The following ASIC2 variants were observed in gnomAD, a reference collection of about 807,000 sequenced individuals.
ASIC2 encodes acid sensing ion channel subunit 2.
A neutral mutation model predicts 57.3 loss-of-function variants in ASIC2; 25 were observed. The ratio of observed to expected loss-of-function variants is 0.44; its 90% CI spans 0.32 to 0.61. The LOEUF (loss-of-function observed/expected upper bound fraction) is 0.61, where lower values mean the gene tolerates loss of function less well. Among genes scored for constraint, ASIC2 ranks in the 20% least tolerant of loss-of-function variants. The pLI, the probability that ASIC2 is intolerant of heterozygous loss-of-function variation, is 0.06. For synonymous variants in ASIC2, 319 were observed against 307.5 expected (o/e 1.04, Z -0.39); for missense variants, 641 against 738.1 (o/e 0.87, Z 1.52).
Position 34,031,601 on chromosome 17 carries a change from T to C in ASIC2, c.555+124377A>G, listed in dbSNP as rs535259023. On this transcript the variant is annotated intron_variant, in intron 1 of 9. Coordinates refer to the ASIC2 transcript ENST00000359872. ...GAAATTCGAACCAATGGCAAAGAAG[T>C]TAAAAGCTTTGAAAAAAAATTAGAC... Among the ~76,000 whole-genome samples the C allele has an allele frequency of 2.6e-5, 4 of 152,020 alleles. No homozygotes were observed. In the East Asian group the frequency reaches 7.8e-4, roughly 29 times the overall value.
intron 1 of ASIC2, among the ~76,000 whole-genome samples, chr17:33,388,586 T>C (rs927908195): frequency 3.3e-5 from 5 of 152,222 alleles, no homozygotes; most frequent in Non-Finnish European, 7.3e-5. Context: ...CAGACTTTTA[T>C]CAGCAGTGAT....
chr17:33,953,844 GA>G (rs1207711646), intron 1 of ASIC2, among the ~76,000 whole-genome samples: 1 of 152,168 alleles, frequency 6.6e-6, no homozygotes, highest in African/African-American at 2.4e-5. Flanking sequence ...AGTATATTAA[GA>G]GGAAGGATCA....
chr17:33,563,274 C>T (rs1321604998), intron 1 of ASIC2, among the ~76,000 whole-genome samples: 3 of 152,314 alleles, frequency 2.0e-5, no homozygotes, highest in South Asian at 2.1e-4. Flanking sequence ...AGACACTTTA[C>T]ATGTCTGCTA....
chr17:33,458,538 T>C (rs1318578048), intron 1 of ASIC2, among the ~76,000 whole-genome samples: 2 of 152,342 alleles, frequency 1.3e-5, no homozygotes, highest in East Asian at 3.9e-4. Context: ...TTTCTGACTG[T>C]ATGATTTTGG....
At chr17:33,016,260 A>G (rs2091805241) in intron 8 of ASIC2, among the ~76,000 whole-genome samples, 1 of 152,160 alleles carries the variant, frequency 6.6e-6, no homozygotes, top group Non-Finnish European at 1.5e-5. Context: ...AGCTAGGAAT[A>G]GGTAATGGAA....
chr17:33,567,103 T>A (rs1423118292), intron 1 of ASIC2, among the ~76,000 whole-genome samples: 1 of 152,180 alleles, frequency 6.6e-6, no homozygotes, highest in African/African-American at 2.4e-5. Flanking sequence ...TATGTGCTGT[T>A]ATGACTATGA....
chr17:33,317,455 T>C (rs888344216), intron 1 of ASIC2, among the ~76,000 whole-genome samples: 2 of 152,220 alleles, frequency 1.3e-5, no homozygotes, highest in African/African-American at 2.4e-5. Flanking sequence ...CTCTGTATGG[T>C]CAGACTGGTG....
chr17:33,669,781 A>G (rs981731733), intron 1 of ASIC2, among the ~76,000 whole-genome samples: 5 of 152,196 alleles, frequency 3.3e-5, no homozygotes, highest in African/African-American at 1.2e-4. Flanking sequence ...TGCTGCAGAT[A>G]TCTTCCCCTC....
intron 1 of ASIC2, among the ~76,000 whole-genome samples, chr17:33,412,299 T>C (rs2141965566): frequency 6.6e-6 from 1 of 152,346 alleles, no homozygotes; most frequent in Admixed American, 6.5e-5. Flanking sequence ...TAGAATGCTG[T>C]TGATCACCAG....
chr17:33,154,794 G>A (rs1240683634), intron 1 of ASIC2, among the ~76,000 whole-genome samples: 1 of 152,130 alleles, frequency 6.6e-6, no homozygotes, highest in Non-Finnish European at 1.5e-5. Flanking sequence ...ACCTTCCCAT[G>A]CAGGCCTAGT....
intron 1 of ASIC2, among the ~76,000 whole-genome samples, chr17:33,838,349 T>G (rs1913332584): frequency 6.6e-6 from 1 of 152,210 alleles, no homozygotes; most frequent in African/African-American, 2.4e-5. Context: ...GTATTGGTCC[T>G]GCTTGAGTGA....
intron 1 of ASIC2, among the ~76,000 whole-genome samples, chr17:33,554,539 G>T (rs191680339): frequency 3.3e-5 from 5 of 152,294 alleles, no homozygotes; most frequent in African/African-American, 7.2e-5. Context: ...GGATCCAAAA[G>T]GGCCTGGGGT....
At chr17:34,066,416 G>T (rs1035433377) in intron 1 of ASIC2, among the ~76,000 whole-genome samples, 5 of 152,158 alleles carry the variant, frequency 3.3e-5, no homozygotes, top group African/African-American at 1.2e-4. Context: ...ACCTCTTGGG[G>T]TGGGTCCTCA....
intron 1 of ASIC2, among the ~76,000 whole-genome samples, chr17:33,584,257 G>C (rs1187901841): frequency 6.6e-6 from 1 of 152,162 alleles, no homozygotes; most frequent in African/African-American, 2.4e-5. Context: ...TTTAGTTCAT[G>C]GAGAGGGTGA....
At chr17:33,691,368 C>G (rs144880651) in intron 1 of ASIC2, among the ~76,000 whole-genome samples, 7 of 152,188 alleles carry the variant, frequency 4.6e-5, no homozygotes, top group African/African-American at 1.4e-4. Context: ...CAACTATTTC[C>G]CCCACACTCC....
At chr17:33,480,403 C>G (rs1913365018) in intron 1 of ASIC2, among the ~76,000 whole-genome samples, 1 of 152,098 alleles carries the variant, frequency 6.6e-6, no homozygotes, top group Non-Finnish European at 1.5e-5. Context: ...CAGGAAGGAG[C>G]CACACAAGAG....
At chr17:33,074,641 T>C (rs1469337981) in intron 3 of ASIC2, among the ~76,000 whole-genome samples, 1 of 152,168 alleles carries the variant, frequency 6.6e-6, no homozygotes, top group Non-Finnish European at 1.5e-5. Flanking sequence ...TATTGCTCAA[T>C]GGTTAGAGCC....
Position 33,292,804 on chromosome 17 carries a change from G to A in ASIC2, c.-689C>T. ...GACCCTTCCTTGTTACTGCTCCCTG[G>A]GCTGCGCTCGGCAGAGACCTGCTTA... On this transcript the variant is annotated 5_prime_UTR_variant, in exon 1 of 10. Transcript: ENST00000225823. The A allele has an allele frequency of 2.0e-6, 2 of 985,900 alleles. No individual in the cohort carries two copies. The highest frequency in any genetic ancestry group is 4.7e-5 in the South Asian group (1 of 21,290). The allele number at this position is 985,900 out of a possible 1,614,324, so 61.1% of individuals were successfully genotyped here. A position where few individuals can be genotyped will look rare whatever the true frequency, so the allele number is the denominator to read the frequency against.
chr17:33,352,814 C>T (rs535463397), intron 1 of ASIC2, among the ~76,000 whole-genome samples: 20 of 152,254 alleles, frequency 1.3e-4, no homozygotes, highest in East Asian at 5.8e-4. Flanking sequence ...AGTTTCTCTT[C>T]GGCTGTTAGA....
Sources: gnomAD v4.1 joint callset for allele counts (sites outside exome capture counted in the v4.1 genomes callset) on GRCh38, gnomAD v4.1.1 for gene constraint, MANE v1.5 for transcripts, NCBI Gene and HGNC (gene_info 2026-07-23, HGNC 2026-07-21) for gene names.